Variants in NTAQ1 observed in about 807,000 individuals in gnomAD.
NTAQ1 encodes the protein N-terminal glutamine amidase 1.
Under a neutral mutation model 28.2 loss-of-function variants are expected in NTAQ1, and 21 were observed. The observed-to-expected ratio is 0.74, with a 90% CI of 0.53 to 1.07. The LOEUF (loss-of-function observed/expected upper bound fraction) is 1.07. Ranked by LOEUF, NTAQ1 falls within the 50% of genes least tolerant of loss-of-function variation. NTAQ1 has a pLI of 0.00. For missense variants in NTAQ1, 264 were observed against 256.6 expected (o/e 1.03, Z -0.20); for synonymous variants, 105 against 90.0 (o/e 1.17, Z -0.94).
downstream of NTAQ1, among the ~76,000 whole-genome samples, chr8:123,473,845 T>G (rs1287132814): frequency 2.6e-5 from 4 of 152,150 alleles, no homozygotes; most frequent in Non-Finnish European, 5.9e-5. Context: ...ATTGTGAAGG[T>G]TAAAGGAAAG....
At position 123,441,331 on chromosome 8, in the gene NTAQ1, C is replaced by T. The variant is rs773730340; in HGVS notation, c.534C>T (p.Phe178=). The change falls in exon 6 of 6, where the codon TTC becomes TTT. Residue 178 remains phenylalanine (F), a synonymous_variant. Transcript: ENST00000287387. ...ATTCCAAAATGAACCTGAACGATTT[C>T]ATCAGTATGGATCCCAAGGTAGGAT... The part of the protein sequence containing the change: ...TGDSKMNLND[F]ISMDPKVGWG... 6.2e-7 allele frequency: 1 copy of T among 1,611,198 alleles called. No homozygotes were observed. Among genetic ancestry groups the T allele is most frequent in the South Asian group, 1.1e-5 (1 of 90,626 alleles).
At chr8:123,462,387 T>C (rs1040899121) in intron 6 of NTAQ1, among the ~76,000 whole-genome samples, 1 of 152,182 alleles carries the variant, frequency 6.6e-6, no homozygotes, top group Admixed American at 6.5e-5. Flanking sequence ...ATTATAACTT[T>C]GTAGAAAGAA....
chr8:123,436,734 A>G (rs1263523313), intron 4 of NTAQ1, 133 bp downstream of exon 4: 1 of 957,934 alleles, frequency 1.0e-6, no homozygotes, highest in African/African-American at 1.7e-5. Flanking sequence ...ATGTTTAAGA[A>G]TGATGTATTT....
In NTAQ1 at chr8:123,435,593, A is replaced by G. The variant is rs935170604; in HGVS notation, c.235-860A>G. On this transcript the variant is annotated intron_variant, in intron 3 of 5. Coordinates refer to ENST00000287387, the MANE Select transcript of NTAQ1 (RefSeq NM_018024.3). Reference sequence around the variant, plus strand: ...TTAACAAATAGCAGGTGGGGCCGGCACTGTGGCTCACACCTGTAATTCCAG... The same window carrying G: ...TTAACAAATAGCAGGTGGGGCCGGCGCTGTGGCTCACACCTGTAATTCCAG... The G allele has an allele frequency of 9.6e-5, 88 of 920,602 alleles. No homozygotes were observed. The South Asian group carries it at 1.9e-3, about 20-fold the overall frequency. 57.0% of individuals were successfully genotyped at this position (920,602 alleles called of 1,614,324 possible). A position where few individuals can be genotyped will look rare whatever the true frequency, so the allele number is the denominator to read the frequency against.
At chr8:123,446,165 G>C (rs7831676), downstream of NTAQ1, among the ~76,000 whole-genome samples, 1 of 150,886 alleles carries the variant, frequency 6.6e-6, no homozygotes, top group Non-Finnish European at 1.5e-5. Context: ...CTAATTTTGT[G>C]TGTGTGTGTG....
At chr8:123,418,441 C>A (rs1372953867) in intron 1 of NTAQ1, among the ~76,000 whole-genome samples, 2 of 130,914 alleles carry the variant, frequency 1.5e-5, no homozygotes, top group Non-Finnish European at 3.3e-5. Context: ...GAGCAAGACT[C>A]CATCTCAAAA....
At chr8:123,428,044 A>C (rs779459317) in intron 2 of NTAQ1, 21 bp downstream of exon 2, 1 of 1,538,000 alleles carries the variant, frequency 6.5e-7, no homozygotes, top group Non-Finnish European at 8.8e-7. Context: ...GAGTGATTGC[A>C]GAAAGAAAAC....
intron 1 of NTAQ1, among the ~76,000 whole-genome samples, chr8:123,425,276 G>A (rs896014671): frequency 2.0e-5 from 3 of 151,888 alleles, no homozygotes; most frequent in African/African-American, 7.3e-5. Context: ...ATTTTTAGTA[G>A]AGACAGAGTT....
At chr8:123,444,545 C>G (rs58126276), downstream of NTAQ1, among the ~76,000 whole-genome samples, 1,710 of 151,024 alleles carry the variant, frequency 0.011, 39 homozygotes, top group African/African-American at 0.04. Flanking sequence ...CTCGCTCTAT[C>G]GCCCAGGCTG....
At chr8:123,444,331 C>G (rs150689186), downstream of NTAQ1, among the ~76,000 whole-genome samples, 978 of 152,068 alleles carry the variant, frequency 6.4e-3, 15 homozygotes, top group African/African-American at 0.023. Context: ...TCCTGAGTTT[C>G]TGGGATTACA....
At chr8:123,420,979 G>T (rs1314997653) in intron 1 of NTAQ1, among the ~76,000 whole-genome samples, 4 of 150,550 alleles carry the variant, frequency 2.7e-5, no homozygotes, top group Non-Finnish European at 4.4e-5. Flanking sequence ...TAGAGACGGG[G>T]TTTCACCATG....
At chr8:123,475,267 A>G in the NTAQ1 span, among the ~76,000 whole-genome samples, 1 of 151,888 alleles carries the variant, frequency 6.6e-6, no homozygotes, top group Non-Finnish European at 1.5e-5. Flanking sequence ...TTGCTTTTTG[A>G]TGCTTACTTT....
chr8:123,470,163 C>G (rs1009245395), downstream of NTAQ1, among the ~76,000 whole-genome samples: 11 of 152,222 alleles, frequency 7.2e-5, no homozygotes, highest in Non-Finnish European at 1.5e-4. Flanking sequence ...TCACTAGGAA[C>G]TGAAGCCTGC....
intron 6 of NTAQ1, among the ~76,000 whole-genome samples, chr8:123,459,245 CAA>C (rs570910796): frequency 1.0e-4 from 14 of 133,698 alleles, no homozygotes; most frequent in Admixed American, 1.5e-4. Context: ...GATCCTGTCT[CAA>C]AAAAAAAAAA....
intron 6 of NTAQ1, among the ~76,000 whole-genome samples, chr8:123,455,421 ATTTTTTTTTT>A (rs925294146): frequency 2.6e-5 from 3 of 115,482 alleles, no homozygotes; most frequent in Non-Finnish European, 5.2e-5. Context: ...ATGCCCAGAA[ATTTTTTTTTT>A]TTTTTTTTTT....
intron 6 of NTAQ1, among the ~76,000 whole-genome samples, chr8:123,456,251 G>C (rs78868247): frequency 6.6e-6 from 1 of 152,128 alleles, no homozygotes; most frequent in Non-Finnish European, 1.5e-5. Flanking sequence ...TTATGCTTTT[G>C]AATATTGAGA....
intron 5 of NTAQ1, among the ~76,000 whole-genome samples, chr8:123,440,864 G>A (rs1022944869): frequency 2.6e-5 from 4 of 152,110 alleles, no homozygotes; most frequent in Non-Finnish European, 4.4e-5. Flanking sequence ...TTCTGAGGAC[G>A]CTACTGAACG....
downstream of NTAQ1, among the ~76,000 whole-genome samples, chr8:123,443,042 C>T (rs982879614): frequency 6.6e-6 from 1 of 150,732 alleles, no homozygotes; most frequent in African/African-American, 2.4e-5. Context: ...TATTTTGAGA[C>T]AAAGTCTCAC....
chr8:123,444,548 C>T (rs374344961), downstream of NTAQ1, among the ~76,000 whole-genome samples: 3 of 152,262 alleles, frequency 2.0e-5, no homozygotes, highest in African/African-American at 7.2e-5. Context: ...GCTCTATCGC[C>T]CAGGCTGGAG....
Sources: allele counts gnomAD v4.1 joint callset (sites outside exome capture counted in the v4.1 genomes callset), GRCh38; gene constraint gnomAD v4.1.1; transcripts MANE v1.5; gene names NCBI Gene and HGNC (gene_info 2026-07-23, HGNC 2026-07-21).